The following PURG variants were observed in gnomAD, a reference collection of about 807,000 sequenced individuals.
PURG encodes purine rich element binding protein G.
Under a neutral mutation model 24.3 loss-of-function variants are expected in PURG, and 3 were observed. That is an observed-to-expected ratio of 0.12 (90% CI 0.06 to 0.32). The LOEUF (loss-of-function observed/expected upper bound fraction) is 0.32, where lower values mean the gene tolerates loss of function less well. Among genes scored for constraint, PURG ranks in the 10% least tolerant of loss-of-function variants. The probability of loss-of-function intolerance (pLI) is 1.00; values close to 1 mark genes in which losing one functional copy is unlikely to be tolerated. For missense variants in PURG, 371 were observed against 439.1 expected (o/e 0.84, Z 1.39); for synonymous variants, 180 against 173.1 (o/e 1.04, Z -0.31).
In PURG at chr8:31,031,745, G is replaced by C. The variant is rs572636032; in HGVS notation, c.1038C>G (p.Leu346=). The change falls in exon 2 of 2, where the codon CTC becomes CTG. Residue 346 remains leucine (L), a synonymous_variant. Transcript: ENST00000523392. ...RKASGEEQEC[L]D ...GATGGAGTTCAATTTCACTCTAGTC[G>C]AGGCATTCTTGTTCTTCACCACTGG... is the stretch of plus-strand genomic sequence containing the variant. 2 of 1,546,836 alleles carry C rather than the reference G, an allele frequency of 1.3e-6. No homozygotes were observed. The highest frequency in any genetic ancestry group is 4.0e-5 in the Admixed American group (2 of 50,322).
Position 31,032,758 on chromosome 8 carries a change from C to T in PURG, c.25G>A (p.Gly9Ser). The change falls in exon 2 of 2, where the codon GGC becomes AGC. Residue 9 changes from glycine to serine, a missense_variant. By Grantham distance (56) the Gly-to-Ser change is moderately conservative (BLOSUM62 0). Coordinates refer to ENST00000523392, the MANE Select transcript of PURG (RefSeq NM_001323311.2). The surrounding 1 kb of genome is among the most constrained non-coding windows in gnomAD (Gnocchi z 5.9). MERARRRG[G>S]GGGRGRGGKN... is the part of the protein sequence containing the mutation. ...CCTCCGCGGCCGCGGCCGCCGCCGC[C>T]TCCCCTTCGCCTGGCTCTTTCCATC... 6.9e-7 allele frequency: 1 copy of T among 1,438,980 alleles called. No individual in the cohort carries two copies. Among genetic ancestry groups the T allele is most frequent in the East Asian group, 2.5e-5 (1 of 40,566 alleles). The allele number at this position is 1,438,980 out of a possible 1,614,324, so 89.1% of individuals were successfully genotyped here.
rs1445215371 is a variant in PURG, at chr8:31,008,177, A to T, written c.865-11480T>A. On this transcript the variant is annotated intron_variant, in intron 1 of 1. Transcript: ENST00000339382. ...CCTTTGAACTTTGCATAATGTTGTT[A>T]TACTTTCCAGGGAACCATCCATTTC... is the stretch of plus-strand genomic sequence containing the variant. Among the ~76,000 whole-genome samples the T allele has an allele frequency of 2.0e-5, 3 of 152,210 alleles. No homozygotes were observed. The East Asian group carries it at 5.8e-4, about 29-fold the overall frequency.
intron 1 of PURG, among the ~76,000 whole-genome samples, chr8:31,017,315 T>G (rs1195203543): frequency 6.6e-6 from 1 of 152,054 alleles, no homozygotes; most frequent in Non-Finnish European, 1.5e-5. Flanking sequence ...GGATCTCTTT[T>G]AAAAATTTTT....
At position 30,996,863 on chromosome 8, in the gene PURG, T is replaced by C. The variant is rs17648656; in HGVS notation, c.865-166A>G. Among the ~76,000 whole-genome samples, 58,732 of 151,648 alleles carry C rather than the reference T, an allele frequency of 0.39. 13,145 individuals carry two copies. Among genetic ancestry groups the C allele is most frequent in the East Asian group, 0.7 (3,608 of 5,176 alleles). ...TGTGTCTAGGCCAATTTTGGCCTAT[T>C]TGAAGCTACTGCATAAGAAATGTGT... On this transcript the variant is annotated intron_variant, in intron 1 of 1. Coordinates refer to the PURG transcript ENST00000339382.
At chr8:31,016,304 T>C (rs1189397315) in intron 1 of PURG, among the ~76,000 whole-genome samples, 1 of 151,780 alleles carries the variant, frequency 6.6e-6, no homozygotes, top group Non-Finnish European at 1.5e-5. Flanking sequence ...CACTTGAACC[T>C]GGGAGGTGGA....
rs1360564741 is a variant in PURG, at chr8:31,031,764, C to T, written c.1019G>A (p.Gly340Asp). The T allele has an allele frequency of 3.9e-6, 6 of 1,551,026 alleles. No individual in the cohort carries two copies. Among genetic ancestry groups the T allele is most frequent in the African/African-American group, 1.4e-5 (1 of 73,020 alleles). The change falls in exon 2 of 2, where the codon GGT becomes GAT. Residue 340 changes from glycine (G) to aspartate (D), a missense_variant. Transcript: ENST00000523392. Reference sequence around the variant, plus strand: ...CTAGTCGAGGCATTCTTGTTCTTCACCACTGGCCTTTCTGCCATCCATTCT... The same window carrying T: ...CTAGTCGAGGCATTCTTGTTCTTCATCACTGGCCTTTCTGCCATCCATTCT... ...EKRMDGRKAS[G>D]EEQECLD
At chr8:31,020,044 G>A (rs1182257107) in intron 1 of PURG, among the ~76,000 whole-genome samples, 4 of 151,940 alleles carry the variant, frequency 2.6e-5, no homozygotes, top group South Asian at 2.1e-4. Context: ...GGTGGCACGC[G>A]CCTGTAATTC....
chr8:31,016,608 A>AAAAAAAAAAAAT (rs1810875908), intron 1 of PURG, among the ~76,000 whole-genome samples: 2 of 148,506 alleles, frequency 1.3e-5, no homozygotes, highest in Non-Finnish European at 3.0e-5. Context: ...AAAAAAAAAA[A>AAAAAAAAAAAAT]AGAAAGAACG....
chr8:31,028,245 A>G (rs1811126024), downstream of PURG, among the ~76,000 whole-genome samples: 1 of 151,816 alleles, frequency 6.6e-6, no homozygotes, highest in African/African-American at 2.4e-5. Flanking sequence ...TCTTTGTTAA[A>G]TATACTGGGA....
At chr8:31,007,321 CT>C (rs1810673384) in intron 1 of PURG, among the ~76,000 whole-genome samples, 1 of 152,122 alleles carries the variant, frequency 6.6e-6, no homozygotes, top group Non-Finnish European at 1.5e-5. Context: ...ATGACAGTCA[CT>C]GGGGCCTAAA....
downstream of PURG, among the ~76,000 whole-genome samples, chr8:31,030,063 TTAAG>T (rs1205871851): frequency 1.3e-5 from 2 of 151,992 alleles, no homozygotes; most frequent in African/African-American, 2.4e-5. Context: ...TTGCTTGTTC[TTAAG>T]TAACATAAAC....
intron 1 of PURG, among the ~76,000 whole-genome samples, chr8:31,012,325 A>G (rs998375897): frequency 6.6e-6 from 1 of 152,212 alleles, no homozygotes; most frequent in African/African-American, 2.4e-5. Flanking sequence ...GCCAAAAGAT[A>G]AGTCTTATTG....
chr8:31,007,798 T>C (rs752232460), intron 1 of PURG, among the ~76,000 whole-genome samples: 3 of 152,132 alleles, frequency 2.0e-5, no homozygotes, highest in African/African-American at 2.4e-5. Flanking sequence ...CAGCAATTGG[T>C]CCCTCAATCA....
intron 1 of PURG, among the ~76,000 whole-genome samples, chr8:31,008,386 C>G (rs1408769775): frequency 6.6e-6 from 1 of 152,196 alleles, no homozygotes; most frequent in African/African-American, 2.4e-5. Flanking sequence ...CCACTGCAAC[C>G]TCCGCCTCCT....
chr8:30,996,368 TA>T (rs1324191607), exon 2 of PURG: 9 of 346,428 alleles, frequency 2.6e-5, no homozygotes, highest in Non-Finnish European at 3.7e-5. Flanking sequence ...CTTGATGAAT[TA>T]AAAAAAACAA....
chr8:30,997,056 G>A (rs1372754933), intron 1 of PURG, among the ~76,000 whole-genome samples: 1 of 151,698 alleles, frequency 6.6e-6, no homozygotes, highest in Non-Finnish European at 1.5e-5. Flanking sequence ...TAACAGGGTC[G>A]TTTAGGAAAA....
At chr8:31,019,777 C>T (rs185604752) in intron 1 of PURG, among the ~76,000 whole-genome samples, 9 of 150,986 alleles carry the variant, frequency 6.0e-5, no homozygotes, top group African/African-American at 9.7e-5. Context: ...GTGATCCACC[C>T]GCCTCGGCCT....
At chr8:31,021,393 T>C (rs1810985759) in intron 1 of PURG, among the ~76,000 whole-genome samples, 1 of 152,208 alleles carries the variant, frequency 6.6e-6, no homozygotes, top group South Asian at 2.1e-4. Flanking sequence ...TTATGATCCC[T>C]TTAAAAAGTT....
At chr8:31,030,848 C>T (rs1448859308), downstream of PURG, 1 of 151,912 alleles carries the variant, frequency 6.6e-6, no homozygotes, top group Non-Finnish European at 1.5e-5. Flanking sequence ...AAGTATAACA[C>T]CTTGAGTCCA....
Sources: allele counts gnomAD v4.1 joint callset (sites outside exome capture counted in the v4.1 genomes callset), GRCh38; gene constraint gnomAD v4.1.1; non-coding constraint Gnocchi (gnomAD v3.1); transcripts MANE v1.5; gene names NCBI Gene and HGNC (gene_info 2026-07-23, HGNC 2026-07-21).